The following NADK2 variants were observed in gnomAD, a reference collection of about 807,000 sequenced individuals.
The protein encoded by NADK2 is NAD kinase 2, mitochondrial, also known as NAD kinase domain-containing protein 1, mitochondrial.
NADK2 carries 35 observed loss-of-function variants against 62.1 expected under a neutral mutation model. The observed-to-expected ratio is 0.56, with a 90% CI of 0.43 to 0.75. NADK2 has a LOEUF of 0.75. Ranked by LOEUF, NADK2 falls within the 30% of genes least tolerant of loss-of-function variation. The pLI, the probability that NADK2 is intolerant of heterozygous loss-of-function variation, is 0.00. For missense variants in NADK2, 439 were observed against 561.3 expected, an observed-to-expected ratio of 0.78 and a Z score of 2.20; for synonymous variants, 205 against 207.9, an observed-to-expected ratio of 0.99 and a Z score of 0.12.
intron 1 of NADK2, among the ~76,000 whole-genome samples, chr5:36,228,636 T>G (rs75893242): frequency 1.5e-5 from 2 of 135,852 alleles, no homozygotes; most frequent in Admixed American, 7.4e-5. Context: ...TTTTTTTTTT[T>G]GAGACGGGGT....
At chr5:36,209,834 A>T (rs183326665) in intron 7 of NADK2, among the ~76,000 whole-genome samples, 4 of 152,282 alleles carry the variant, frequency 2.6e-5, no homozygotes, top group African/African-American at 9.6e-5. Flanking sequence ...CTAGTGACTC[A>T]CATATTACAC....
chr5:36,197,546 G>T lies in NADK2; in HGVS notation c.1185C>A (p.Ser395=), dbSNP rs771809771. The change falls in exon 11 of 12, where the codon TCC becomes TCA. Residue 395 remains serine (S), a synonymous_variant. Coordinates refer to ENST00000381937, the MANE Select transcript of NADK2 (RefSeq NM_001085411.3). ...GTCAGATTGAGGATGCTTACTTTGAGGAGAAACAACGCTGACGACTGCTTG... is the reference window on the plus strand; with the variant it reads ...GTCAGATTGAGGATGCTTACTTTGATGAGAAACAACGCTGACGACTGCTTG... ...VFSSSRQRCF[S]SKVCVRSRCW... is the part of the protein sequence containing the mutation. 2 of 1,612,210 alleles carry T rather than the reference G, an allele frequency of 1.2e-6. No homozygotes were observed. The highest frequency in any genetic ancestry group is 1.1e-5 in the South Asian group (1 of 90,994).
intron 1 of NADK2, among the ~76,000 whole-genome samples, chr5:36,228,232 AT>A (rs1316657639): frequency 1.3e-5 from 2 of 152,130 alleles, no homozygotes; most frequent in African/African-American, 2.4e-5. Flanking sequence ...TACCATTAAA[AT>A]TTTTTTAACT....
At chr5:36,226,868 C>A (rs1747502634) in intron 2 of NADK2, among the ~76,000 whole-genome samples, 1 of 152,082 alleles carries the variant, frequency 6.6e-6, no homozygotes, top group African/African-American at 2.4e-5. Flanking sequence ...TTCTCTACTC[C>A]TTCTAATGCT....
chr5:36,211,785 A>C (rs1462099981), intron 7 of NADK2, 59 bp downstream of exon 7: 16 of 1,403,114 alleles, frequency 1.1e-5, no homozygotes, highest in Non-Finnish European at 1.6e-5. Context: ...AAACTGAATA[A>C]ATATCCAAAA....
At chr5:36,217,621 C>G (rs1396298191) in intron 6 of NADK2, 127 bp downstream of exon 6, 24 of 941,170 alleles carry the variant, frequency 2.6e-5, no homozygotes, top group Non-Finnish European at 3.4e-5. Context: ...TGAAGTAATT[C>G]ACTGTACTTT....
chr5:36,234,330 G>A (rs575122447), intron 1 of NADK2, among the ~76,000 whole-genome samples: 3 of 136,278 alleles, frequency 2.2e-5, no homozygotes, highest in South Asian at 4.6e-4. Flanking sequence ...TCGAGATCGC[G>A]CCACTGCACT....
In NADK2 at chr5:36,197,605, T is replaced by C. The variant is rs1332662198; in HGVS notation, c.1126A>G (p.Ser376Gly). 6.2e-7 allele frequency: 1 copy of C among 1,611,516 alleles called. No individual in the cohort carries two copies. The highest frequency in any genetic ancestry group is 8.5e-7 in the Non-Finnish European group (1 of 1,178,796). Reference protein sequence around the residue: ...YSPEEPKILFSIREPIANRVF... With the variant: ...YSPEEPKILFGIREPIANRVF... ...CTATTTGCTATTGGTTCTCGAATAC[T>C]GAAAAGTATTTTTGGTTCTTCCGGA... is the stretch of plus-strand genomic sequence containing the variant. The change falls in exon 11 of 12, where the codon AGT becomes GGT. Residue 376 changes from serine to glycine, a missense_variant. Physicochemically the swap from Ser to Gly is moderately conservative, Grantham distance 56. Coordinates refer to ENST00000381937, the MANE Select transcript of NADK2 (RefSeq NM_001085411.3).
At chr5:36,212,573 A>G (rs1225007503) in intron 6 of NADK2, among the ~76,000 whole-genome samples, 1 of 152,154 alleles carries the variant, frequency 6.6e-6, no homozygotes, top group South Asian at 2.1e-4. Flanking sequence ...TTCTTGTTCA[A>G]ATTTGTGACT....
chr5:36,230,490 C>A (rs1219559472), intron 1 of NADK2, among the ~76,000 whole-genome samples: 1 of 152,198 alleles, frequency 6.6e-6, no homozygotes, highest in Non-Finnish European at 1.5e-5. Context: ...CTTTGAATCT[C>A]CTTACTAGAA....
At chr5:36,209,121 GTAGT>G (rs1746747694) in intron 7 of NADK2, among the ~76,000 whole-genome samples, 1 of 152,104 alleles carries the variant, frequency 6.6e-6, no homozygotes, top group Non-Finnish European at 1.5e-5. Context: ...AATACCTGCA[GTAGT>G]TAAACTATTT....
chr5:36,224,117 G>C (rs565149003), intron 4 of NADK2, among the ~76,000 whole-genome samples: 1 of 152,168 alleles, frequency 6.6e-6, no homozygotes, highest in South Asian at 2.1e-4. Flanking sequence ...GAGATGAGTA[G>C]GGCTACATAG....
intron 4 of NADK2, among the ~76,000 whole-genome samples, chr5:36,223,999 A>T (rs941293007): frequency 6.6e-6 from 1 of 152,210 alleles, no homozygotes; most frequent in African/African-American, 2.4e-5. Context: ...GTGACTTTCA[A>T]TTCCTCTGTG....
chr5:36,237,941 G>A (rs1057418972), intron 1 of NADK2, among the ~76,000 whole-genome samples: 1 of 152,126 alleles, frequency 6.6e-6, no homozygotes, highest in Non-Finnish European at 1.5e-5. Flanking sequence ...TACTCTTGGT[G>A]ACTAAAGGGT....
intron 4 of NADK2, among the ~76,000 whole-genome samples, chr5:36,222,711 G>C (rs1030336735): frequency 6.6e-6 from 1 of 152,216 alleles, no homozygotes; most frequent in Non-Finnish European, 1.5e-5. Context: ...TAGAAGGAGA[G>C]AGACTGTAAG....
intron 9 of NADK2, 68 bp downstream of exon 9, chr5:36,201,038 C>G: frequency 7.4e-7 from 1 of 1,350,436 alleles, no homozygotes; most frequent in Non-Finnish European, 1.1e-6. Context: ...TCAGCATTCA[C>G]TGGGGGTTCT....
At position 36,194,127 on chromosome 5, in the gene NADK2, A is replaced by G. The variant is rs1410297998; in HGVS notation, c.*1017T>C. The G allele has an allele frequency of 4.0e-5, 6 of 149,684 alleles. No homozygotes were observed. Among genetic ancestry groups the G allele is most frequent in the African/African-American group, 1.5e-4 (6 of 40,852 alleles). The allele number at this position is 149,684 out of a possible 1,614,324, so 9.3% of individuals were successfully genotyped here. A position where few individuals can be genotyped will look rare whatever the true frequency, so the allele number is the denominator to read the frequency against. ...AAAAATAAAGGAATTCTCATGGGGA[A>G]AAAAAAAAAGTCCTAACATCTTATC... On this transcript the variant is annotated 3_prime_UTR_variant, in exon 12 of 12. Coordinates refer to ENST00000381937, the MANE Select transcript of NADK2 (RefSeq NM_001085411.3).
intron 8 of NADK2, 34 bp from the exon 9 acceptor site, chr5:36,201,195 A>G (rs777314881): frequency 6.4e-7 from 1 of 1,568,178 alleles, no homozygotes; most frequent in Non-Finnish European, 8.8e-7. Context: ...CTTAGTTTTA[A>G]TTCTAAAAAC....
At chr5:36,213,454 C>G (rs937531274) in intron 6 of NADK2, among the ~76,000 whole-genome samples, 9 of 151,558 alleles carry the variant, frequency 5.9e-5, no homozygotes, top group Admixed American at 5.3e-4. Flanking sequence ...TTTCTCATTT[C>G]TTTTGGACTA....
Sources: allele counts gnomAD v4.1 joint callset (sites outside exome capture counted in the v4.1 genomes callset), GRCh38; gene constraint gnomAD v4.1.1; transcripts MANE v1.5; gene names NCBI Gene and HGNC (gene_info 2026-07-23, HGNC 2026-07-21).